The following EPHB1 variants were observed in gnomAD, a reference collection of about 807,000 sequenced individuals.
The protein encoded by EPHB1 is EPH receptor B1.
EPHB1 carries 30 observed loss-of-function variants against 94.4 expected under a neutral mutation model. The observed-to-expected ratio is 0.32, with a 90% CI of 0.24 to 0.43. The LOEUF is 0.43. Ranked by LOEUF, EPHB1 falls within the 20% of genes least tolerant of loss-of-function variation. The probability of loss-of-function intolerance (pLI) is 1.00; values close to 1 mark genes in which losing one functional copy is unlikely to be tolerated. For synonymous variants in EPHB1, 522 were observed against 489.1 expected (o/e 1.07, Z -0.89); for missense variants, 1,055 against 1,308.3 (o/e 0.81, Z 2.99).
At chr3:134,817,113 A>T (rs2036287116) in intron 1 of EPHB1, among the ~76,000 whole-genome samples, 2 of 152,192 alleles carry the variant, frequency 1.3e-5, no homozygotes, top group Admixed American at 1.3e-4. Flanking sequence ...TAATCAAGGT[A>T]AGTAATATAT....
intron 11 of EPHB1, among the ~76,000 whole-genome samples, chr3:135,199,276 T>C (rs750436445): frequency 1.2e-4 from 19 of 152,232 alleles, no homozygotes; most frequent in Non-Finnish European, 2.5e-4. Context: ...CTGTAATATA[T>C]AGAAATTGCA....
chr3:135,209,310 C>T (rs1353985768), intron 12 of EPHB1, among the ~76,000 whole-genome samples: 2 of 152,178 alleles, frequency 1.3e-5, no homozygotes, highest in South Asian at 2.1e-4. Flanking sequence ...TTCAAAGTTT[C>T]TCCCCCCAAA....
intron 3 of EPHB1, among the ~76,000 whole-genome samples, chr3:135,022,249 C>T (rs898862644): frequency 2.6e-5 from 4 of 152,208 alleles, no homozygotes; most frequent in African/African-American, 4.8e-5. Context: ...GGATTACAGG[C>T]GTGAGCCACC....
At chr3:134,914,258 CA>C (rs1274581950) in intron 1 of EPHB1, among the ~76,000 whole-genome samples, 3 of 152,182 alleles carry the variant, frequency 2.0e-5, no homozygotes, top group South Asian at 2.1e-4. Flanking sequence ...CACATCAGGA[CA>C]AAACGTGGAA....
intron 1 of EPHB1, among the ~76,000 whole-genome samples, chr3:134,832,474 C>T (rs1018788818): frequency 3.3e-5 from 5 of 152,310 alleles, no homozygotes; most frequent in Middle Eastern, 3.4e-3. Context: ...CTGTTCATGG[C>T]GGTTGCTCTT....
At chr3:135,110,846 C>T (rs927507805) in intron 4 of EPHB1, among the ~76,000 whole-genome samples, 3 of 152,102 alleles carry the variant, frequency 2.0e-5, no homozygotes, top group African/African-American at 7.2e-5. Context: ...CCTCTTTTAT[C>T]CCAGGCACGA....
At chr3:134,876,594 G>A (rs1451652973) in intron 1 of EPHB1, among the ~76,000 whole-genome samples, 1 of 152,198 alleles carries the variant, frequency 6.6e-6, no homozygotes, top group African/African-American at 2.4e-5. Context: ...GATTTGAAAT[G>A]GAGACAGTAC....
chr3:134,948,590 T>A (rs946637354), intron 2 of EPHB1, among the ~76,000 whole-genome samples: 3 of 152,218 alleles, frequency 2.0e-5, no homozygotes, highest in African/African-American at 7.2e-5. Flanking sequence ...TTAGGCAAAG[T>A]CCAGGTGAGG....
chr3:135,054,021 C>A (rs918204439), intron 3 of EPHB1, among the ~76,000 whole-genome samples: 2 of 92,420 alleles, frequency 2.2e-5, no homozygotes, highest in African/African-American at 6.1e-5. Flanking sequence ...ATATGTGTGT[C>A]TGCATATATA....
At chr3:134,941,781 AC>A (rs2039123292) in intron 2 of EPHB1, among the ~76,000 whole-genome samples, 1 of 151,756 alleles carries the variant, frequency 6.6e-6, no homozygotes, top group Non-Finnish European at 1.5e-5. Flanking sequence ...ACACACACAC[AC>A]ACACACACAC....
intron 1 of EPHB1, among the ~76,000 whole-genome samples, chr3:134,870,226 G>A (rs1033546449): frequency 6.6e-6 from 1 of 152,124 alleles, no homozygotes; most frequent in East Asian, 1.9e-4. Context: ...AGAGGACTTC[G>A]GCCCACATCT....
At chr3:135,065,262 C>T (rs934035075) in intron 3 of EPHB1, among the ~76,000 whole-genome samples, 3 of 152,110 alleles carry the variant, frequency 2.0e-5, no homozygotes, top group Admixed American at 6.5e-5. Flanking sequence ...TCTTTGTTGA[C>T]TTTCTGTCTT....
chr3:134,810,406 C>G (rs762022958), intron 1 of EPHB1, among the ~76,000 whole-genome samples: 1 of 151,872 alleles, frequency 6.6e-6, no homozygotes, highest in Non-Finnish European at 1.5e-5. Context: ...TTTAACAGCA[C>G]CAGGCCTCCA....
intron 5 of EPHB1, among the ~76,000 whole-genome samples, chr3:135,137,527 T>C (rs1940665184): frequency 1.3e-5 from 2 of 152,184 alleles, no homozygotes; most frequent in Non-Finnish European, 2.9e-5. Flanking sequence ...CACGGGGCAG[T>C]CATCTTCCTC....
At chr3:135,003,324 T>G (rs907737873) in intron 3 of EPHB1, among the ~76,000 whole-genome samples, 1 of 152,106 alleles carries the variant, frequency 6.6e-6, no homozygotes, top group African/African-American at 2.4e-5. Context: ...GTCTGAGAGA[T>G]AGTTTGTTAC....
chr3:135,048,259 C>CTTTTTTTTTTTTTTTTTTTTTTTTTTTTT (rs34135757), intron 3 of EPHB1, among the ~76,000 whole-genome samples: 3 of 55,208 alleles, frequency 5.4e-5, no homozygotes, highest in African/African-American at 1.4e-4. Context: ...TTTCTTTTTT[C>CTTTTTTTTTTTTTTTTTTTTTTTTTTTTT]TTTTTTTTTT....
intron 1 of EPHB1, among the ~76,000 whole-genome samples, chr3:134,904,087 A>C (rs1163799476): frequency 6.6e-6 from 1 of 152,164 alleles, no homozygotes; most frequent in African/African-American, 2.4e-5. Context: ...GGAGATCTCC[A>C]AGCCCTTTTG....
At chr3:135,180,083 G>A in intron 10 of EPHB1, 101 bp downstream of exon 10, 3 of 1,375,474 alleles carry the variant, frequency 2.2e-6, no homozygotes, top group Non-Finnish European at 2.0e-6. Flanking sequence ...CCCATTAGGA[G>A]GAGAGCTTCT....
intron 3 of EPHB1, among the ~76,000 whole-genome samples, chr3:135,006,094 A>T (rs544536978): frequency 6.6e-6 from 1 of 152,296 alleles, no homozygotes; most frequent in East Asian, 1.9e-4. Context: ...CATGATTGTA[A>T]GTTTCCTGAG....
Sources: allele counts gnomAD v4.1 joint callset (sites outside exome capture counted in the v4.1 genomes callset), GRCh38; gene constraint gnomAD v4.1.1; transcripts MANE v1.5; gene names NCBI Gene and HGNC (gene_info 2026-07-23, HGNC 2026-07-21).